The following IMMP2L variants were observed in gnomAD, a reference collection of about 807,000 sequenced individuals.
IMMP2L encodes the protein mitochondrial inner membrane protease subunit 2.
In IMMP2L, 18 loss-of-function variants were observed where a neutral mutation model predicts 19.3. The ratio of observed to expected loss-of-function variants is 0.93; its 90% confidence interval spans 0.64 to 1.38. The LOEUF (loss-of-function observed/expected upper bound fraction) is 1.38, where lower values mean the gene tolerates loss of function less well. Among genes scored for constraint, IMMP2L ranks in the 40% most tolerant of loss-of-function variants. The probability of loss-of-function intolerance (pLI) is 0.00; values close to 1 mark genes in which losing one functional copy is unlikely to be tolerated. For synonymous variants in IMMP2L, 76 were observed against 73.0 expected, an observed-to-expected ratio of 1.04 and a Z score of -0.21; for missense variants, 233 against 218.2, an observed-to-expected ratio of 1.07 and a Z score of -0.43.
intron 3 of IMMP2L, among the ~76,000 whole-genome samples, chr7:111,308,715 A>G (rs1003574122): frequency 6.6e-6 from 1 of 151,982 alleles, no homozygotes; most frequent in Non-Finnish European, 1.5e-5. Context: ...ATAATAAAAA[A>G]TTCTCAGGAG....
At chr7:111,236,657 T>C (rs1452998833) in intron 3 of IMMP2L, among the ~76,000 whole-genome samples, 1 of 152,098 alleles carries the variant, frequency 6.6e-6, no homozygotes, top group Non-Finnish European at 1.5e-5. Context: ...TCTGTGCATC[T>C]TCTCTCCAGT....
chr7:110,967,330 C>G (rs1819645469), intron 3 of IMMP2L, among the ~76,000 whole-genome samples: 1 of 152,046 alleles, frequency 6.6e-6, no homozygotes, highest in Admixed American at 6.6e-5. Context: ...TTGGCATACT[C>G]AAGAGACCCC....
Position 111,303,821 on chromosome 7 carries a change from C to T in IMMP2L, c.239+183417G>A, listed in dbSNP as rs569361955. Reference sequence around the variant, plus strand: ...ATTTCATAAATGCTTTTTGGTGAGACCTCATCATTTAATGTGCAATAAAAG... The same window carrying T: ...ATTTCATAAATGCTTTTTGGTGAGATCTCATCATTTAATGTGCAATAAAAG... On this transcript the variant is annotated intron_variant, in intron 3 of 5. Transcript: ENST00000405709. Among the ~76,000 whole-genome samples, 32 of 151,946 alleles carry T rather than the reference C, an allele frequency of 2.1e-4. No homozygotes were observed. In the East Asian group the frequency reaches 5.2e-3, roughly 25 times the overall value.
chr7:111,067,808 C>G (rs1469728376), intron 3 of IMMP2L, among the ~76,000 whole-genome samples: 1 of 152,068 alleles, frequency 6.6e-6, no homozygotes, highest in Non-Finnish European at 1.5e-5. Context: ...CTTTCCATTA[C>G]CTTAGGCCAA....
chr7:111,088,736 T>C (rs1452919078), intron 3 of IMMP2L, among the ~76,000 whole-genome samples: 1 of 152,174 alleles, frequency 6.6e-6, no homozygotes, highest in Non-Finnish European at 1.5e-5. Context: ...GGTACTTCAT[T>C]ATATAGATGT....
chr7:111,497,915 TA>T (rs1170249072), intron 2 of IMMP2L, among the ~76,000 whole-genome samples: 3 of 151,662 alleles, frequency 2.0e-5, no homozygotes, highest in Non-Finnish European at 2.9e-5. Context: ...ATAATATATT[TA>T]AAATAAATAA....
chr7:111,329,764 GA>G (rs1166460911), intron 3 of IMMP2L, among the ~76,000 whole-genome samples: 1 of 151,852 alleles, frequency 6.6e-6, no homozygotes, highest in Non-Finnish European at 1.5e-5. Context: ...TTAAAAATTG[GA>G]AGGCATATGC....
intron 3 of IMMP2L, among the ~76,000 whole-genome samples, chr7:111,436,769 G>A (rs1585092170): frequency 2.0e-5 from 3 of 151,826 alleles, no homozygotes. Context: ...TAAAGAAGAG[G>A]TTTATTTTGG....
At chr7:110,826,787 G>GT (rs1260647494) in intron 5 of IMMP2L, among the ~76,000 whole-genome samples, 1 of 151,576 alleles carries the variant, frequency 6.6e-6, no homozygotes, top group Non-Finnish European at 1.5e-5. Context: ...GTATACATAT[G>GT]TAACAAACCT....
At chr7:111,542,494 T>G (rs895499925) in intron 1 of IMMP2L, among the ~76,000 whole-genome samples, 8 of 152,114 alleles carry the variant, frequency 5.3e-5, no homozygotes, top group African/African-American at 1.9e-4. Flanking sequence ...AAAGAAACAG[T>G]AAGTAGCAGA....
chr7:110,686,965 T>C (rs1471668685), intron 5 of IMMP2L, among the ~76,000 whole-genome samples: 1 of 152,100 alleles, frequency 6.6e-6, no homozygotes, highest in Non-Finnish European at 1.5e-5. Context: ...TCAGGAACCA[T>C]CACAGTATTA....
At chr7:110,704,670 C>G (rs926573768) in intron 5 of IMMP2L, among the ~76,000 whole-genome samples, 3 of 152,198 alleles carry the variant, frequency 2.0e-5, no homozygotes, top group Admixed American at 6.5e-5. Flanking sequence ...TCAATTCCTA[C>G]TCACCTGGTT....
intron 4 of IMMP2L, among the ~76,000 whole-genome samples, chr7:110,961,567 T>C (rs1273533070): frequency 6.6e-6 from 1 of 151,232 alleles, no homozygotes; most frequent in African/African-American, 2.4e-5. Context: ...CCGATAGAAA[T>C]GAGAATATGT....
intron 3 of IMMP2L, among the ~76,000 whole-genome samples, chr7:111,401,949 A>C (rs1833457537): frequency 1.3e-5 from 2 of 151,822 alleles, no homozygotes; most frequent in South Asian, 4.2e-4. Context: ...TCAAGGTTTT[A>C]AAAAAATAAT....
chr7:111,085,688 A>T (rs1796255272), intron 3 of IMMP2L, among the ~76,000 whole-genome samples: 1 of 152,176 alleles, frequency 6.6e-6, no homozygotes, highest in African/African-American at 2.4e-5. Context: ...ATGCACATGT[A>T]TGTTCACTGC....
chr7:111,036,252 T>C (rs2129569957), intron 3 of IMMP2L, among the ~76,000 whole-genome samples: 1 of 152,238 alleles, frequency 6.6e-6, no homozygotes, highest in African/African-American at 2.4e-5. Flanking sequence ...CCTTCCTCTA[T>C]AAACTGGGCC....
chr7:111,436,583 T>C (rs757953373), intron 3 of IMMP2L, among the ~76,000 whole-genome samples: 2 of 151,800 alleles, frequency 1.3e-5, no homozygotes, highest in Admixed American at 6.6e-5. Context: ...TTTCTCATTA[T>C]GTAAAAAATC....
chr7:110,666,149 C>T (rs1194262253), intron 5 of IMMP2L, among the ~76,000 whole-genome samples: 2 of 152,078 alleles, frequency 1.3e-5, no homozygotes, highest in East Asian at 1.9e-4. Context: ...GGATACATCT[C>T]CATCAGTATT....
At chr7:111,036,631 A>C (rs1791385254) in intron 3 of IMMP2L, among the ~76,000 whole-genome samples, 2 of 152,186 alleles carry the variant, frequency 1.3e-5, no homozygotes, top group African/African-American at 4.8e-5. Flanking sequence ...AGTATTAATA[A>C]AGCCATCAGT....
Sources: allele counts gnomAD v4.1 joint callset (sites outside exome capture counted in the v4.1 genomes callset), GRCh38; gene constraint gnomAD v4.1.1; transcripts MANE v1.5; gene names NCBI Gene and HGNC (gene_info 2026-07-23, HGNC 2026-07-21).